The following GRID1 variants were observed in gnomAD, a reference collection of about 807,000 sequenced individuals.
GRID1 encodes the protein glutamate ionotropic receptor delta type subunit 1.
Under a neutral mutation model 98.0 loss-of-function variants are expected in GRID1, and 28 were observed. The ratio of observed to expected loss-of-function variants is 0.29; its 90% CI spans 0.21 to 0.39. GRID1 has a LOEUF of 0.39. GRID1 is among the 10% of genes least tolerant of loss of function. The probability of loss-of-function intolerance (pLI) is 1.00; values close to 1 mark genes in which losing one functional copy is unlikely to be tolerated. For synonymous variants in GRID1, 553 were observed against 538.5 expected, an observed-to-expected ratio of 1.03 and a Z score of -0.37; for missense variants, 1,111 against 1,340.5, an observed-to-expected ratio of 0.83 and a Z score of 2.67.
At chr10:85,613,287 T>G in intron 15 of GRID1, 120 bp downstream of exon 15, 1 of 952,844 alleles carries the variant, frequency 1.0e-6, no homozygotes, top group Non-Finnish European at 1.5e-6. Context: ...AAAACACTGC[T>G]GCCTCCAGAC....
At chr10:86,185,370 T>C (rs1845713590) in intron 3 of GRID1, among the ~76,000 whole-genome samples, 1 of 152,200 alleles carries the variant, frequency 6.6e-6, no homozygotes, top group Non-Finnish European at 1.5e-5. Context: ...AGTATTTTTC[T>C]GTAGATCCCA....
rs1330722577 is a variant in GRID1 at position 85,723,095 on chromosome 10, G to C, written c.1905C>G (p.Gly635=). Residue 635 remains glycine, a synonymous_variant, in exon 12 of 16, where the codon GGC becomes GGG. Transcript: ENST00000327946. ...CAATGAGCGTGAAGAGCCACCAGCT[G>C]CCCATCACGATGCGCATGGCCATGG... ...VNSMAMRIVM[G]SWWLFTLIVC... The C allele has an allele frequency of 1.9e-6, 3 of 1,611,802 alleles. No homozygotes were observed. The highest frequency in any genetic ancestry group is 1.3e-5 in the African/African-American group (1 of 75,052).
At chr10:86,169,968 G>A (rs1240108642) in intron 3 of GRID1, among the ~76,000 whole-genome samples, 4 of 152,184 alleles carry the variant, frequency 2.6e-5, no homozygotes, top group East Asian at 1.9e-4. Context: ...GCAGGAAAGC[G>A]CCCCGTGCAA....
At chr10:85,836,149 C>T (rs1842909857) in intron 8 of GRID1, among the ~76,000 whole-genome samples, 1 of 151,440 alleles carries the variant, frequency 6.6e-6, no homozygotes. Context: ...AAATTCAAAG[C>T]AAGCAGAAAT....
chr10:86,255,909 C>T (rs946393994), intron 2 of GRID1, among the ~76,000 whole-genome samples: 19 of 152,170 alleles, frequency 1.2e-4, no homozygotes, highest in East Asian at 3.9e-4. Flanking sequence ...CTGAAGCTGC[C>T]GCACCCCCAA....
Position 85,865,942 on chromosome 10 carries a change from T to TATATATATATATATATATATAC in GRID1, c.951+3067_951+3068insGTATATATATATATATATATAT, listed in dbSNP as rs1199144734. Among the ~76,000 whole-genome samples, 42 of 94,866 alleles carry TATATATATATATATATATATAC rather than the reference T, an allele frequency of 4.4e-4. 1 individual carries two copies. The highest frequency in any genetic ancestry group is 1.6e-3 in the African/African-American group (39 of 25,026). The allele number at this position is 94,866 out of a possible 152,430, so 62.2% of individuals were successfully genotyped here. ...ATATATATATATATATATATATATA[T>TATATATATATATATATATATAC]ACACATATATATGGAGAGAGAGAGA... On this transcript the variant is annotated intron_variant, in intron 6 of 15. Transcript: ENST00000327946.
At chr10:86,136,611 G>A (rs963252806) in intron 4 of GRID1, among the ~76,000 whole-genome samples, 2 of 152,214 alleles carry the variant, frequency 1.3e-5, no homozygotes, top group Admixed American at 6.5e-5. Flanking sequence ...CAGAGCCATC[G>A]TGGGCACCCA....
At chr10:86,258,491 T>C (rs1460521330) in intron 2 of GRID1, among the ~76,000 whole-genome samples, 1 of 152,192 alleles carries the variant, frequency 6.6e-6, no homozygotes, top group Admixed American at 6.5e-5. Context: ...CACACTTTTT[T>C]TGTAGGTTGT....
At chr10:85,691,364 A>C (rs1254487727) in intron 12 of GRID1, among the ~76,000 whole-genome samples, 1 of 152,102 alleles carries the variant, frequency 6.6e-6, no homozygotes, top group African/African-American at 2.4e-5. Context: ...CACACTTTTG[A>C]GTGAATATCC....
intron 3 of GRID1, among the ~76,000 whole-genome samples, chr10:86,161,155 G>A (rs752156324): frequency 7.2e-5 from 11 of 152,228 alleles, no homozygotes; most frequent in East Asian, 3.9e-4. Flanking sequence ...GTCCAACCCC[G>A]GTGACCCAAA....
At chr10:86,210,967 C>T (rs567164651) in intron 2 of GRID1, among the ~76,000 whole-genome samples, 2 of 152,332 alleles carry the variant, frequency 1.3e-5, no homozygotes, top group Admixed American at 1.3e-4. Flanking sequence ...GGCCGGAGTC[C>T]GGGGCCTGCC....
intron 2 of GRID1, among the ~76,000 whole-genome samples, chr10:86,275,856 A>G (rs1847261907): frequency 6.6e-6 from 1 of 152,212 alleles, no homozygotes; most frequent in African/African-American, 2.4e-5. Flanking sequence ...GGGAAGAAGA[A>G]TATTTGAAGA....
At chr10:86,181,177 C>T (rs1845649912) in intron 3 of GRID1, among the ~76,000 whole-genome samples, 1 of 152,184 alleles carries the variant, frequency 6.6e-6, no homozygotes, top group South Asian at 2.1e-4. Flanking sequence ...AACCTTCACT[C>T]TTATCCCCAC....
intron 2 of GRID1, among the ~76,000 whole-genome samples, chr10:86,292,725 G>A (rs527621225): frequency 7.9e-5 from 12 of 151,910 alleles, no homozygotes; most frequent in South Asian, 4.2e-4. Flanking sequence ...GGGTGGGTGC[G>A]AGTGTGCGCA....
At chr10:85,873,102 G>C (rs1384900695) in intron 5 of GRID1, among the ~76,000 whole-genome samples, 1 of 152,124 alleles carries the variant, frequency 6.6e-6, no homozygotes, top group Non-Finnish European at 1.5e-5. Context: ...GTGCCACAGG[G>C]GTGAGTATAG....
intron 13 of GRID1, among the ~76,000 whole-genome samples, chr10:85,634,424 A>T (rs1465144958): frequency 1.3e-5 from 2 of 152,132 alleles, no homozygotes; most frequent in Non-Finnish European, 2.9e-5. Flanking sequence ...GGTGGAAACC[A>T]CTACTTCTAC....
At chr10:86,337,698 C>CGTTTTT (rs1848244138) in intron 2 of GRID1, among the ~76,000 whole-genome samples, 1 of 73,282 alleles carries the variant, frequency 1.4e-5, no homozygotes, top group African/African-American at 5.8e-5. Context: ...CCTTTGGGAA[C>CGTTTTT]TTTTTTTTTT....
chr10:86,359,929 T>A (rs1384761316), intron 2 of GRID1, among the ~76,000 whole-genome samples: 3 of 152,246 alleles, frequency 2.0e-5, no homozygotes, highest in African/African-American at 7.2e-5. Flanking sequence ...GATTTAAATG[T>A]CCTTTCTGTG....
At chr10:85,647,083 G>A (rs1455260932) in intron 13 of GRID1, 119 bp downstream of exon 13, 31 of 762,938 alleles carry the variant, frequency 4.1e-5, no homozygotes, top group Non-Finnish European at 5.9e-5. Flanking sequence ...GCGATGGATC[G>A]CCTTGCAGGT....
Sources: gnomAD v4.1 joint callset for allele counts (sites outside exome capture counted in the v4.1 genomes callset) on GRCh38, gnomAD v4.1.1 for gene constraint, MANE v1.5 for transcripts, NCBI Gene and HGNC (gene_info 2026-07-23, HGNC 2026-07-21) for gene names.